MEI4: variants seen among roughly 807,000 people sequenced by gnomAD.
The protein encoded by MEI4 is meiosis-specific protein MEI4.
MEI4 carries 27 observed loss-of-function variants against 31.4 expected under a neutral mutation model. The ratio of observed to expected loss-of-function variants is 0.86; its 90% CI spans 0.63 to 1.19. The LOEUF (loss-of-function observed/expected upper bound fraction) is 1.19, where lower values mean the gene tolerates loss of function less well. Among genes scored for constraint, MEI4 ranks in the 50% most tolerant of loss-of-function variants. The probability of loss-of-function intolerance (pLI) is 0.00; values close to 1 mark genes in which losing one functional copy is unlikely to be tolerated. For missense variants in MEI4, 329 were observed against 398.9 expected, an observed-to-expected ratio of 0.82 and a Z score of 1.49; for synonymous variants, 122 against 145.4, an observed-to-expected ratio of 0.84 and a Z score of 1.16.
At chr6:77,919,626 G>A (rs1201540206) in intron 4 of MEI4, among the ~76,000 whole-genome samples, 1 of 151,314 alleles carries the variant, frequency 6.6e-6, no homozygotes, top group Non-Finnish European at 1.5e-5. Flanking sequence ...AAAGCTAGCA[G>A]AAGGCAAGAA....
At chr6:77,694,771 T>C (rs369872304) in intron 2 of MEI4, among the ~76,000 whole-genome samples, 8 of 152,074 alleles carry the variant, frequency 5.3e-5, no homozygotes, top group East Asian at 3.9e-4. Flanking sequence ...CCTTTGGGTA[T>C]ATACCCAGTA....
chr6:77,755,390 G>A (rs1250795314), intron 2 of MEI4, among the ~76,000 whole-genome samples: 2 of 151,994 alleles, frequency 1.3e-5, no homozygotes, highest in Admixed American at 6.6e-5. Context: ...TTAGAATATT[G>A]TAGATGAACT....
At chr6:77,684,151 G>A (rs1323423805) in intron 1 of MEI4, among the ~76,000 whole-genome samples, 1 of 151,942 alleles carries the variant, frequency 6.6e-6, no homozygotes, top group Non-Finnish European at 1.5e-5. Flanking sequence ...AAGTACACCT[G>A]TTTGTTATTC....
intron 3 of MEI4, among the ~76,000 whole-genome samples, chr6:77,803,343 C>T (rs893507106): frequency 6.6e-6 from 1 of 152,158 alleles, no homozygotes; most frequent in African/African-American, 2.4e-5. Context: ...AAGGACTTCT[C>T]TGCATTGGTT....
intron 4 of MEI4, among the ~76,000 whole-genome samples, chr6:77,913,948 G>A (rs1040343813): frequency 4.6e-5 from 7 of 151,028 alleles, no homozygotes; most frequent in Non-Finnish European, 1.0e-4. Flanking sequence ...GCAGGAGAAT[G>A]GCGTGAATCC....
chr6:77,808,254 T>A (rs546545369), intron 3 of MEI4, among the ~76,000 whole-genome samples: 1 of 152,312 alleles, frequency 6.6e-6, no homozygotes, highest in Admixed American at 6.5e-5. Context: ...TGAAATCAAA[T>A]GGAAACCCAC....
chr6:77,759,433 C>T (rs1767995984), intron 2 of MEI4, among the ~76,000 whole-genome samples: 5 of 152,164 alleles, frequency 3.3e-5, no homozygotes, highest in Admixed American at 2.0e-4. Flanking sequence ...CAGTCTTAGG[C>T]TTATGTGACC....
At chr6:77,844,410 A>G (rs1770431727) in intron 4 of MEI4, among the ~76,000 whole-genome samples, 1 of 152,196 alleles carries the variant, frequency 6.6e-6, no homozygotes, top group African/African-American at 2.4e-5. Context: ...CCTTAAGAAC[A>G]TAACAGAAGC....
rs147098493 is a variant in MEI4, at chr6:77,765,309, G to A, written c.768+3644G>A. On this transcript the variant is annotated intron_variant, in intron 3 of 4. Coordinates refer to ENST00000684080, the MANE Select transcript of MEI4 (RefSeq NM_001322247.2). ...ATGTTGAGTTTGTTGTAGCAGCAAC[G>A]TGAGATATTTTTTTGAATTGAAAAT... Among the ~76,000 whole-genome samples the A allele has an allele frequency of 1.5e-3, 221 of 152,098 alleles. 8 individuals are homozygous for A. Among genetic ancestry groups the A allele is most frequent in the African/African-American group, 4.7e-3 (195 of 41,392 alleles).
intron 2 of MEI4, among the ~76,000 whole-genome samples, chr6:77,701,739 A>G (rs1472483484): frequency 6.6e-6 from 1 of 152,154 alleles, no homozygotes; most frequent in Non-Finnish European, 1.5e-5. Context: ...GTAAGAAAAA[A>G]TCAAACTAAA....
intron 1 of MEI4, among the ~76,000 whole-genome samples, chr6:77,675,970 T>TA (rs1768837533): frequency 6.6e-6 from 1 of 152,188 alleles, no homozygotes; most frequent in African/African-American, 2.4e-5. Context: ...AGTTTGATCT[T>TA]AGTTACAAAG....
At chr6:77,764,404 T>C (rs1334188807) in intron 3 of MEI4, among the ~76,000 whole-genome samples, 1 of 152,186 alleles carries the variant, frequency 6.6e-6, no homozygotes, top group Middle Eastern at 3.2e-3. Context: ...AGCAAACTCT[T>C]ATTTTTTTTA....
At chr6:77,897,864 C>A (rs1766116029) in intron 4 of MEI4, among the ~76,000 whole-genome samples, 1 of 151,910 alleles carries the variant, frequency 6.6e-6, no homozygotes, top group African/African-American at 2.4e-5. Flanking sequence ...GAAATTTCCC[C>A]TAATTAACTG....
intron 4 of MEI4, among the ~76,000 whole-genome samples, chr6:77,842,507 A>G (rs1770389226): frequency 6.6e-6 from 1 of 152,116 alleles, no homozygotes; most frequent in Non-Finnish European, 1.5e-5. Flanking sequence ...AGCCCAGACC[A>G]CATAAAAGGA....
chr6:77,667,510 C>T (rs1005932152), intron 1 of MEI4, among the ~76,000 whole-genome samples: 4 of 152,188 alleles, frequency 2.6e-5, no homozygotes, highest in African/African-American at 4.8e-5. Flanking sequence ...TATCATTTGG[C>T]ATTCATATAT....
chr6:77,797,506 C>A (rs190537784), intron 3 of MEI4, among the ~76,000 whole-genome samples: 1 of 152,164 alleles, frequency 6.6e-6, no homozygotes, highest in Non-Finnish European at 1.5e-5. Context: ...AGAAAGAAGC[C>A]AGTAGTGACT....
intron 3 of MEI4, among the ~76,000 whole-genome samples, chr6:77,815,388 C>A (rs1769665927): frequency 6.6e-6 from 1 of 152,012 alleles, no homozygotes; most frequent in East Asian, 1.9e-4. Flanking sequence ...GGTTCCTGGT[C>A]ATTAAAGGGC....
chr6:77,729,008 A>G (rs1440963565), intron 2 of MEI4, among the ~76,000 whole-genome samples: 2 of 152,232 alleles, frequency 1.3e-5, no homozygotes, highest in Non-Finnish European at 2.9e-5. Context: ...CAGTTAGAAC[A>G]TGTAAGGCTC....
chr6:77,842,949 A>G (rs1294760727), intron 4 of MEI4, among the ~76,000 whole-genome samples: 1 of 152,050 alleles, frequency 6.6e-6, no homozygotes, highest in Non-Finnish European at 1.5e-5. Flanking sequence ...CCAACAAAGA[A>G]AACTCTAGAC....
Sources: gnomAD v4.1 joint callset for allele counts (sites outside exome capture counted in the v4.1 genomes callset) on GRCh38, gnomAD v4.1.1 for gene constraint, MANE v1.5 for transcripts, NCBI Gene and HGNC (gene_info 2026-07-23, HGNC 2026-07-21) for gene names.